Variants in ZNF284 observed in about 807,000 individuals in gnomAD.
ZNF284 encodes the protein zinc finger protein 284.
Under a neutral mutation model 12.9 loss-of-function variants are expected in ZNF284, and 12 were observed. The observed-to-expected ratio is 0.93, with a 90% confidence interval of 0.60 to 1.51. The LOEUF (loss-of-function observed/expected upper bound fraction) is 1.51, where lower values mean the gene tolerates loss of function less well. Ranked by LOEUF, ZNF284 falls within the 40% of genes most tolerant of loss-of-function variation. The pLI is 0.00. For synonymous variants in ZNF284, 225 were observed against 236.5 expected (o/e 0.95, Z 0.45); for missense variants, 667 against 707.3 (o/e 0.94, Z 0.65).
At chr19:44,076,818 CTT>C (rs199632689) in intron 2 of ZNF284, among the ~76,000 whole-genome samples, 151 of 138,970 alleles carry the variant, frequency 1.1e-3, no homozygotes, top group Non-Finnish European at 1.4e-3. Flanking sequence ...ATTGATGCTC[CTT>C]TTTTTTTTTT....
chr19:44,081,219 G>A (rs778411591), intron 3 of ZNF284, 78 bp downstream of exon 3: 102 of 1,483,726 alleles, frequency 6.9e-5, no homozygotes, highest in Non-Finnish European at 8.8e-5. Context: ...GTGTTAGTTT[G>A]TTCTTATGCT....
chr19:44,077,854 G>A (rs1173513753), intron 2 of ZNF284, among the ~76,000 whole-genome samples: 1 of 152,136 alleles, frequency 6.6e-6, no homozygotes, highest in African/African-American at 2.4e-5. Context: ...CCTCTTGAGT[G>A]ATGACAACCA....
At chr19:44,075,072 ATAG>A (rs1469224188) in intron 1 of ZNF284, among the ~76,000 whole-genome samples, 6 of 152,154 alleles carry the variant, frequency 3.9e-5, no homozygotes, top group African/African-American at 7.2e-5. Flanking sequence ...AAAGCTAATA[ATAG>A]TAGTTGTAGT....
Position 44,080,964 on chromosome 19 carries a change from C to G in ZNF284, c.16-51C>G, listed in dbSNP as rs1367424395. The G allele has an allele frequency of 5.7e-6, 9 of 1,582,020 alleles. No individual in the cohort carries two copies. In the Admixed American group the frequency reaches 1.5e-4, roughly 27 times the overall value. ...TTCACCTGCTCATTGCCACCCTTCT[C>G]CCAGGAATCACTGGTCATGAGATTG... is the stretch of plus-strand genomic sequence containing the variant. On this transcript the variant is annotated intron_variant, in intron 2 of 4. Transcript: ENST00000421176.
intron 1 of ZNF284, among the ~76,000 whole-genome samples, chr19:44,072,998 G>C (rs952709595): frequency 1.3e-5 from 2 of 152,254 alleles, no homozygotes; most frequent in African/African-American, 2.4e-5. Context: ...CCCCGACCAA[G>C]AGTGTAGGAT....
chr19:44,074,529 C>G (rs1314825837), intron 1 of ZNF284, among the ~76,000 whole-genome samples: 1 of 152,134 alleles, frequency 6.6e-6, no homozygotes, highest in Non-Finnish European at 1.5e-5. Context: ...CAGATACCAC[C>G]AGGAACATAC....
At position 44,088,230 on chromosome 19, in the gene ZNF284, A is replaced by G. The variant is rs1318720393; in HGVS notation, c.*970A>G. 3 of 150,758 alleles carry G rather than the reference A, an allele frequency of 2.0e-5. No individual in the cohort carries two copies. Among genetic ancestry groups the G allele is most frequent in the Non-Finnish European group, 4.4e-5 (3 of 67,630 alleles). The allele number at this position is 150,758 out of a possible 1,614,324, so 9.3% of individuals were successfully genotyped here. On this transcript the variant is annotated 3_prime_UTR_variant, in exon 5 of 5. Coordinates refer to ENST00000421176, the MANE Select transcript of ZNF284 (RefSeq NM_001037813.4). ...GCCCAGCCAATGCTATGCTGCTTCT[A>G]TGATGTCAACTTTTTAGCTTCCACA...
Position 44,087,492 on chromosome 19 carries a change from C to A in ZNF284, c.*232C>A. ...GTGGAACACTAGAACTTGTTCCTTTCATCATCTTACTGTACTTTCATATCT... is the reference window on the plus strand; with the variant it reads ...GTGGAACACTAGAACTTGTTCCTTTAATCATCTTACTGTACTTTCATATCT... On this transcript the variant is annotated 3_prime_UTR_variant, in exon 5 of 5. Transcript: ENST00000421176. The A allele has an allele frequency of 7.0e-6, 2 of 284,972 alleles. No homozygotes were observed. Among genetic ancestry groups the A allele is most frequent in the Non-Finnish European group, 1.3e-5 (2 of 153,196 alleles). The allele number at this position is 284,972 out of a possible 1,614,324, so 17.7% of individuals were successfully genotyped here. A position where few individuals can be genotyped will look rare whatever the true frequency, so the allele number is the denominator to read the frequency against.
chr19:44,073,710 G>A (rs1227192923), intron 1 of ZNF284, among the ~76,000 whole-genome samples: 1 of 151,948 alleles, frequency 6.6e-6, no homozygotes, highest in African/African-American at 2.4e-5. Context: ...ACCACGCCCG[G>A]CTAATTTTTT....
In ZNF284 at chr19:44,085,945, TC is replaced by T. The variant is rs1341849465; in HGVS notation, c.468del (p.Phe156LeufsTer255). The T allele has an allele frequency of 6.2e-7, 1 of 1,614,054 alleles. No homozygotes were observed. The highest frequency in any genetic ancestry group is 1.3e-5 in the African/African-American group (1 of 74,944). Reference sequence around the variant, plus strand: ...GAGCATGGGAAGTGTAAAAAATTCTTCAGTGATGTCTCCATCCTTGATCTTC... The same window carrying T: ...GAGCATGGGAAGTGTAAAAAATTCTTAGTGATGTCTCCATCCTTGATCTTC... ...PSEHGKCKKF[F>X]SDVSILDLHQ... On this transcript the variant is annotated frameshift_variant, in exon 5 of 5. Transcript: ENST00000421176. LOFTEE classifies it low-confidence loss of function (END_TRUNC).
intron 4 of ZNF284, among the ~76,000 whole-genome samples, chr19:44,082,565 T>G (rs143323835): frequency 2.0e-5 from 3 of 152,328 alleles, no homozygotes; most frequent in African/African-American, 7.2e-5. Flanking sequence ...CAAACAATTA[T>G]CTTTCTGTTC....
intron 4 of ZNF284, among the ~76,000 whole-genome samples, 187 bp downstream of exon 4, chr19:44,082,292 A>G (rs1257333054): frequency 6.6e-6 from 1 of 151,582 alleles, no homozygotes; most frequent in African/African-American, 2.4e-5. Context: ...TCCTCATAGC[A>G]GCCAAAGTGA....
chr19:44,079,782 G>GTT (rs1967091262), intron 2 of ZNF284, among the ~76,000 whole-genome samples: 1 of 151,868 alleles, frequency 6.6e-6, no homozygotes, highest in Non-Finnish European at 1.5e-5. Context: ...TACAAAACTA[G>GTT]CTGGGCATGG....
chr19:44,082,148 A>T, intron 4 of ZNF284, 43 bp downstream of exon 4: 1 of 1,530,174 alleles, frequency 6.5e-7, no homozygotes, highest in South Asian at 1.1e-5. Flanking sequence ...TGACCCTTCC[A>T]TCTGTTTTAC....
chr19:44,079,463 A>G (rs1599877929), intron 2 of ZNF284, among the ~76,000 whole-genome samples: 2 of 151,968 alleles, frequency 1.3e-5, no homozygotes, highest in South Asian at 4.2e-4. Flanking sequence ...TAATCCCAGC[A>G]CTTTGGGAGG....
rs376609121 is a variant in ZNF284 at position 44,084,980 on chromosome 19, T to C, written c.236-734T>C. ...GGTCGAGGGCCTCTCTCATGGCTGA[T>C]TGCTGGAGTGCACAGCGGAAATGTA... On this transcript the variant is annotated intron_variant, in intron 4 of 4. Coordinates refer to ENST00000421176, the MANE Select transcript of ZNF284 (RefSeq NM_001037813.4). Among the ~76,000 whole-genome samples, 67 of 152,256 alleles carry C rather than the reference T, an allele frequency of 4.4e-4. No homozygotes were observed. In the East Asian group the frequency reaches 7.4e-3, roughly 17 times the overall value.
In ZNF284 at chr19:44,086,951, G is replaced by A; in HGVS notation, c.1473G>A (p.Arg491=). ...TCAAATGTGAAGAGTGTGGGAAGAG[G>A]TTTACTGAGAATTCAAAACTTCGTT... ...KPFKCEECGK[R]FTENSKLRFH... is the part of the protein sequence containing the mutation. The change falls in exon 5 of 5, where the codon AGG becomes AGA. Residue 491 remains arginine (R), a synonymous_variant. Coordinates refer to ENST00000421176, the MANE Select transcript of ZNF284 (RefSeq NM_001037813.4). The A allele has an allele frequency of 1.2e-6, 2 of 1,614,160 alleles. No homozygotes were observed. The highest frequency in any genetic ancestry group is 1.7e-6 in the Non-Finnish European group (2 of 1,180,030).
chr19:44,078,695 A>G (rs8108744), intron 2 of ZNF284, among the ~76,000 whole-genome samples: 3 of 152,198 alleles, frequency 2.0e-5, no homozygotes, highest in African/African-American at 7.2e-5. Flanking sequence ...CTTGAATTCA[A>G]GCAATCCCCC....
intron 2 of ZNF284, among the ~76,000 whole-genome samples, chr19:44,078,932 A>G (rs1167005472): frequency 6.6e-6 from 1 of 152,092 alleles, no homozygotes; most frequent in Admixed American, 6.6e-5. Flanking sequence ...CTGGGATTAT[A>G]GTCACGTGCC....
Sources: gnomAD v4.1 joint callset for allele counts (sites outside exome capture counted in the v4.1 genomes callset) on GRCh38, gnomAD v4.1.1 for gene constraint, MANE v1.5 for transcripts, NCBI Gene and HGNC (gene_info 2026-07-23, HGNC 2026-07-21) for gene names.